Variants in OR6N1 observed in about 807,000 individuals in gnomAD.
The protein encoded by OR6N1 is olfactory receptor family 6 subfamily N member 1, also known as olfactory receptor 6N1.
For missense variants in OR6N1, 394 were observed against 371.7 expected, an observed-to-expected ratio of 1.06 and a Z score of -0.49; for synonymous variants, 170 against 150.7, an observed-to-expected ratio of 1.13 and a Z score of -0.94.
the OR6N1 span, among the ~76,000 whole-genome samples, chr1:158,811,466 C>T: frequency 1.3e-5 from 2 of 152,148 alleles, 1 homozygote; most frequent in East Asian, 3.8e-4. Context: ...ATGTTTATTT[C>T]TGTTTTCATC....
chr1:158,782,427 G>T, the OR6N1 span, among the ~76,000 whole-genome samples: 1 of 152,140 alleles, frequency 6.6e-6, no homozygotes, highest in Non-Finnish European at 1.5e-5. Flanking sequence ...GACAGGACAA[G>T]GCCTTCCAGC....
intron 1 of OR6N1, among the ~76,000 whole-genome samples, chr1:158,768,269 T>C (rs1657328156): frequency 6.6e-6 from 1 of 152,220 alleles, no homozygotes; most frequent in Non-Finnish European, 1.5e-5. Context: ...GCGATATTTT[T>C]CTCTGCTACT....
rs370632064 is a variant in OR6N1, at chr1:158,766,301, G to A, written c.382C>T (p.Arg128Trp). 7.2e-5 allele frequency: 117 copies of A among 1,614,004 alleles called. 1 individual carries two copies. Among genetic ancestry groups the A allele is most frequent in the South Asian group, 7.1e-4 (65 of 91,074 alleles). ...MAYDRYLAIC[R>W]PLHYPTLMTP... Reference sequence around the variant, plus strand: ...ATGAGGGTTGGGTAGTGGAGGGGCCGGCAGATGGCTAAATACCTATCGTAG... The same window carrying A: ...ATGAGGGTTGGGTAGTGGAGGGGCCAGCAGATGGCTAAATACCTATCGTAG... Residue 128 changes from arginine (R) to tryptophan (W), a missense_variant, in exon 2 of 2, where the codon CGG (arginine) becomes TGG (tryptophan). Coordinates refer to ENST00000641846, the MANE Select transcript of OR6N1 (RefSeq NM_001005185.2).
the OR6N1 span, among the ~76,000 whole-genome samples, chr1:158,806,114 A>G: frequency 6.5e-3 from 985 of 152,322 alleles, 11 homozygotes; most frequent in African/African-American, 0.021. Context: ...TGGGCCCATA[A>G]TAGTTCCTGC....
At chr1:158,782,267 C>T in the OR6N1 span, among the ~76,000 whole-genome samples, 1 of 152,158 alleles carries the variant, frequency 6.6e-6, no homozygotes, top group South Asian at 2.1e-4. Context: ...TGTTAGTTTA[C>T]ATTTCCCATT....
rs1008529769 is a variant in OR6N1 at position 158,769,321 on chromosome 1, G to A, written c.-18-2621C>T. 4.6e-5 allele frequency among the ~76,000 whole-genome samples: 7 copies of A among 152,070 alleles called. No individual in the cohort carries two copies. In the East Asian group the frequency reaches 7.8e-4, roughly 17 times the overall value. ...TGGGACTACAAACGTGCACCACCAC[G>A]CCTGGCTAATTTTTGTGTTTTTGGT... On this transcript the variant is annotated intron_variant, in intron 1 of 1. Coordinates refer to ENST00000641846, the MANE Select transcript of OR6N1 (RefSeq NM_001005185.2).
the OR6N1 span, among the ~76,000 whole-genome samples, chr1:158,803,788 A>C: frequency 6.6e-6 from 1 of 151,898 alleles, no homozygotes; most frequent in African/African-American, 2.4e-5. Context: ...TATGCGTACT[A>C]AACAATCAAG....
In OR6N1 at chr1:158,765,713, G is replaced by A. The variant is rs1373301115; in HGVS notation, c.*31C>T. On this transcript the variant is annotated 3_prime_UTR_variant, in exon 2 of 2. Transcript: ENST00000641846. ...GATCCCTGGGGCCACCATATCCTCA[G>A]GCCCGGCCTTGGCCTACTCTCAGCC... The A allele has an allele frequency of 4.5e-6, 7 of 1,562,772 alleles. No homozygotes were observed. In the African/African-American group the frequency reaches 9.5e-5, roughly 21 times the overall value.
chr1:158,784,870 A>G, the OR6N1 span, among the ~76,000 whole-genome samples: 1 of 152,184 alleles, frequency 6.6e-6, no homozygotes, highest in African/African-American at 2.4e-5. Flanking sequence ...TGATTCAGCA[A>G]CCTCACTATT....
the OR6N1 span, among the ~76,000 whole-genome samples, chr1:158,836,054 A>G: frequency 6.6e-6 from 1 of 152,024 alleles, no homozygotes; most frequent in Admixed American, 6.5e-5. Context: ...ATGGTGAGCC[A>G]TCATTGCATT....
chr1:158,801,410 A>G, the OR6N1 span, among the ~76,000 whole-genome samples: 1 of 152,148 alleles, frequency 6.6e-6, no homozygotes, highest in African/African-American at 2.4e-5. Context: ...TGAAGAATCA[A>G]TGAACAGACA....
At chr1:158,770,513 C>T (rs965410139) in intron 1 of OR6N1, among the ~76,000 whole-genome samples, 1 of 152,086 alleles carries the variant, frequency 6.6e-6, no homozygotes, top group Non-Finnish European at 1.5e-5. Flanking sequence ...ATTGTAACTG[C>T]TAGTACTGAT....
At position 158,766,914 on chromosome 1, in the gene OR6N1, C is replaced by G. The variant is rs554460532; in HGVS notation, c.-18-214G>C. On this transcript the variant is annotated intron_variant, in intron 1 of 1. Coordinates refer to ENST00000641846, the MANE Select transcript of OR6N1 (RefSeq NM_001005185.2). ...ACTATTCACCTTTATGTTTAGTCTT[C>G]CCTGATTAACACAGCTCATTTTTGG... Among the ~76,000 whole-genome samples, 6 of 152,236 alleles carry G rather than the reference C, an allele frequency of 3.9e-5. No homozygotes were observed. The East Asian group carries it at 1.2e-3, about 30-fold the overall frequency.
chr1:158,779,606 C>T, the OR6N1 span, among the ~76,000 whole-genome samples: 2 of 152,176 alleles, frequency 1.3e-5, no homozygotes, highest in African/African-American at 4.8e-5. Context: ...ACTTAAAAGA[C>T]TCTTCTTGAT....
the OR6N1 span, among the ~76,000 whole-genome samples, chr1:158,832,137 C>G: frequency 2.0e-5 from 3 of 152,018 alleles, no homozygotes; most frequent in Non-Finnish European, 2.9e-5. Context: ...ATGGTCTATG[C>G]TTTACTCAGT....
At chr1:158,810,030 G>T in the OR6N1 span, among the ~76,000 whole-genome samples, 1 of 152,120 alleles carries the variant, frequency 6.6e-6, no homozygotes, top group Non-Finnish European at 1.5e-5. Context: ...TCAGCGATTT[G>T]GTTGCCACTA....
the OR6N1 span, among the ~76,000 whole-genome samples, chr1:158,802,418 C>T: frequency 3.9e-5 from 6 of 151,946 alleles, no homozygotes; most frequent in East Asian, 1.2e-3. Context: ...CCATTTTAGC[C>T]AAGATGGTCT....
At chr1:158,839,943 A>G in the OR6N1 span, among the ~76,000 whole-genome samples, 61 of 152,336 alleles carry the variant, frequency 4.0e-4, no homozygotes, top group Middle Eastern at 6.8e-3. Context: ...CATAACATTC[A>G]AATAACATTT....
chr1:158,824,801 T>G, the OR6N1 span, among the ~76,000 whole-genome samples: 1 of 152,152 alleles, frequency 6.6e-6, no homozygotes, highest in South Asian at 2.1e-4. Flanking sequence ...CCTTACCCCA[T>G]ATACAAAAAT....
Sources: gnomAD v4.1 joint callset for allele counts (sites outside exome capture counted in the v4.1 genomes callset) on GRCh38, gnomAD v4.1.1 for gene constraint, MANE v1.5 for transcripts, NCBI Gene and HGNC (gene_info 2026-07-23, HGNC 2026-07-21) for gene names.